Variants in LRMDA observed in about 807,000 individuals in gnomAD.
LRMDA encodes the protein leucine rich melanocyte differentiation associated.
LRMDA carries 18 observed loss-of-function variants against 29.8 expected under a neutral mutation model. That is an observed-to-expected ratio of 0.60 (90% CI 0.42 to 0.90). The LOEUF (loss-of-function observed/expected upper bound fraction) is 0.90. Among genes scored for constraint, LRMDA ranks in the 40% least tolerant of loss-of-function variants. The pLI is 0.00. For synonymous variants in LRMDA, 125 were observed against 109.4 expected, an observed-to-expected ratio of 1.14 and a Z score of -0.89; for missense variants, 273 against 273.9, an observed-to-expected ratio of 1.00 and a Z score of 0.02.
intron 2 of LRMDA, among the ~76,000 whole-genome samples, chr10:75,461,576 G>C (rs1432423200): frequency 6.6e-6 from 1 of 152,152 alleles, no homozygotes; most frequent in African/African-American, 2.4e-5. Flanking sequence ...CTCCTAGGGA[G>C]AGTCTAAGGG....
chr10:75,934,552 A>G (rs573536346), intron 2 of LRMDA, among the ~76,000 whole-genome samples: 28 of 152,260 alleles, frequency 1.8e-4, no homozygotes, highest in Admixed American at 7.2e-4. Context: ...AGTGTGTGCC[A>G]GTGCCAGAGA....
intron 2 of LRMDA, among the ~76,000 whole-genome samples, chr10:75,443,264 G>T (rs1400396027): frequency 6.6e-6 from 1 of 152,058 alleles, no homozygotes; most frequent in East Asian, 1.9e-4. Flanking sequence ...GTGAGAGTGG[G>T]CATCCTTATT....
At chr10:76,440,999 C>T (rs1406653599) in intron 6 of LRMDA, among the ~76,000 whole-genome samples, 2 of 152,156 alleles carry the variant, frequency 1.3e-5, no homozygotes, top group African/African-American at 4.8e-5. Context: ...TGACTGGGCT[C>T]ATAATAAACC....
intron 2 of LRMDA, among the ~76,000 whole-genome samples, chr10:75,784,997 T>G (rs1389637477): frequency 6.6e-6 from 1 of 152,206 alleles, no homozygotes; most frequent in Non-Finnish European, 1.5e-5. Context: ...AGATTCTCCA[T>G]GCGCCTTCTG....
chr10:76,462,263 T>TAGA (rs1325490720), intron 6 of LRMDA, among the ~76,000 whole-genome samples: 1 of 151,950 alleles, frequency 6.6e-6, no homozygotes, highest in Non-Finnish European at 1.5e-5. Flanking sequence ...AGGAGAAAGA[T>TAGA]AGAAGAGTCT....
At chr10:75,472,270 T>A (rs2132046640) in intron 2 of LRMDA, among the ~76,000 whole-genome samples, 1 of 152,282 alleles carries the variant, frequency 6.6e-6, no homozygotes, top group Non-Finnish European at 1.5e-5. Flanking sequence ...TCATATGAAT[T>A]CCTGTCTCCC....
chr10:76,183,927 C>T (rs1248559266), intron 5 of LRMDA, among the ~76,000 whole-genome samples: 1 of 152,142 alleles, frequency 6.6e-6, no homozygotes, highest in Non-Finnish European at 1.5e-5. Context: ...TGCTCTGTTG[C>T]CCCTAGGCTG....
chr10:75,436,831 T>G (rs1844269296), intron 1 of LRMDA, among the ~76,000 whole-genome samples: 1 of 152,178 alleles, frequency 6.6e-6, no homozygotes, highest in Non-Finnish European at 1.5e-5. Context: ...GAATAGGGCC[T>G]TATAGCCACA....
chr10:76,278,764 T>C (rs1840167251), intron 5 of LRMDA, among the ~76,000 whole-genome samples: 1 of 152,218 alleles, frequency 6.6e-6, no homozygotes, highest in Non-Finnish European at 1.5e-5. Context: ...TGAAATACAG[T>C]AGTGTGTGTT....
At chr10:76,551,114 G>A (rs935081192) in intron 6 of LRMDA, among the ~76,000 whole-genome samples, 1 of 152,182 alleles carries the variant, frequency 6.6e-6, no homozygotes, top group African/African-American at 2.4e-5. Context: ...ACTGTATGAT[G>A]TTTACAGCTC....
chr10:75,909,224 C>A (rs968991654), intron 2 of LRMDA, among the ~76,000 whole-genome samples: 2 of 151,962 alleles, frequency 1.3e-5, no homozygotes, highest in Non-Finnish European at 2.9e-5. Context: ...GAGGAGAACC[C>A]AAAGAAGTAA....
At position 76,497,577 on chromosome 10, in the gene LRMDA, C is replaced by T. The variant is rs1466160529; in HGVS notation, c.602-59632C>T. Among the ~76,000 whole-genome samples, 2 of 75,776 alleles carry T rather than the reference C, an allele frequency of 2.6e-5. 1 individual carries two copies. Among genetic ancestry groups the T allele is most frequent in the Non-Finnish European group, 8.8e-5 (2 of 22,774 alleles). 49.7% of individuals were successfully genotyped at this position (75,776 alleles called of 152,430 possible). ...GATGGCAAAAGTGTGAAATTGTATT[C>T]TCTTCCCCCTATTTCAGTTCTCTTT... On this transcript the variant is annotated intron_variant, in intron 6 of 6. Coordinates refer to ENST00000611255, the MANE Select transcript of LRMDA (RefSeq NM_001305581.2).
At chr10:75,563,601 G>C (rs1589186169) in intron 2 of LRMDA, among the ~76,000 whole-genome samples, 1 of 152,136 alleles carries the variant, frequency 6.6e-6, no homozygotes, top group African/African-American at 2.4e-5. Context: ...AGGAGGAGAG[G>C]CGCTCTGCTT....
chr10:76,466,245 T>G (rs1842563128), intron 6 of LRMDA, among the ~76,000 whole-genome samples: 1 of 152,100 alleles, frequency 6.6e-6, no homozygotes, highest in South Asian at 2.1e-4. Context: ...TGCCCAGAAC[T>G]CTGAGGGGCA....
At chr10:75,811,827 CTTG>C (rs1486590211) in intron 2 of LRMDA, among the ~76,000 whole-genome samples, 1 of 152,168 alleles carries the variant, frequency 6.6e-6, no homozygotes, top group Non-Finnish European at 1.5e-5. Flanking sequence ...CGGAGCACAT[CTTG>C]TTGTGGACAT....
intron 5 of LRMDA, among the ~76,000 whole-genome samples, chr10:76,218,740 C>T (rs995564596): frequency 6.6e-6 from 1 of 152,146 alleles, no homozygotes; most frequent in Non-Finnish European, 1.5e-5. Context: ...TTTTTACTTT[C>T]CTTGGTTCTC....
intron 2 of LRMDA, among the ~76,000 whole-genome samples, chr10:75,666,727 T>A (rs1460663214): frequency 6.6e-6 from 1 of 152,178 alleles, no homozygotes; most frequent in Admixed American, 6.5e-5. Flanking sequence ...TAGTCCAACA[T>A]GCTGACCATC....
At chr10:75,553,271 A>C (rs1181337971) in intron 2 of LRMDA, among the ~76,000 whole-genome samples, 1 of 152,194 alleles carries the variant, frequency 6.6e-6, no homozygotes, top group Non-Finnish European at 1.5e-5. Context: ...GTTTTGTTCT[A>C]TGACAGCTTC....
At chr10:76,216,770 A>G (rs980846930) in intron 5 of LRMDA, among the ~76,000 whole-genome samples, 1 of 152,210 alleles carries the variant, frequency 6.6e-6, no homozygotes. Context: ...GTAGCTCATG[A>G]CACCAGCAAT....
Sources: gnomAD v4.1 joint callset for allele counts (sites outside exome capture counted in the v4.1 genomes callset) on GRCh38, gnomAD v4.1.1 for gene constraint, MANE v1.5 for transcripts, NCBI Gene and HGNC (gene_info 2026-07-23, HGNC 2026-07-21) for gene names.